NEK6: variants seen among roughly 807,000 people sequenced by gnomAD.
NEK6 encodes the protein serine/threonine-protein kinase Nek6.
A neutral mutation model predicts 43.5 loss-of-function variants in NEK6; 27 were observed. That is an observed-to-expected ratio of 0.62 (90% CI 0.46 to 0.86). The LOEUF (loss-of-function observed/expected upper bound fraction) is 0.86, where lower values mean the gene tolerates loss of function less well. Ranked by LOEUF, NEK6 falls within the 40% of genes least tolerant of loss-of-function variation. The pLI is 0.00. For synonymous variants in NEK6, 167 were observed against 164.1 expected (o/e 1.02, Z -0.14); for missense variants, 318 against 414.4 (o/e 0.77, Z 2.02).
At position 124,312,709 on chromosome 9, in the gene NEK6, C is replaced by T. The variant is rs1226667954; in HGVS notation, c.231+60C>T. The stretch of plus-strand genomic sequence containing the variant: ...TCGGGAGGTGGTCTCTGCATCTGGA[C>T]GGGGTGCCCGGGCCAGTCCCTTCTC... On this transcript the variant is annotated intron_variant, in intron 3 of 9. Transcript: ENST00000320246. 1.4e-5 allele frequency: 21 copies of T among 1,544,238 alleles called. No individual in the cohort carries two copies. The East Asian group carries it at 3.2e-4, about 24-fold the overall frequency.
At chr9:124,292,418 G>C in intron 1 of NEK6, 1 of 1,534,808 alleles carries the variant, frequency 6.5e-7, no homozygotes, top group South Asian at 1.2e-5. Flanking sequence ...CTCTAGGGTG[G>C]GTTTTGTCTG....
intron 7 of NEK6, among the ~76,000 whole-genome samples, chr9:124,330,572 C>A (rs1828927238): frequency 1.3e-5 from 2 of 152,246 alleles, no homozygotes; most frequent in African/African-American, 4.8e-5. Context: ...GAGAGCAAGT[C>A]TAGTTGGGGG....
chr9:124,331,280 A>AACT (rs1564653741), intron 7 of NEK6, among the ~76,000 whole-genome samples: 1 of 150,246 alleles, frequency 6.7e-6, no homozygotes, highest in African/African-American at 2.5e-5. Context: ...AAAACAAAAC[A>AACT]TTTTGCTCAT....
intron 1 of NEK6, among the ~76,000 whole-genome samples, chr9:124,279,909 T>TCCCCAA (rs1417645613): frequency 1.3e-5 from 2 of 152,190 alleles, no homozygotes; most frequent in Non-Finnish European, 2.9e-5. Flanking sequence ...CACTCCTGTG[T>TCCCCAA]CCCCAACCCC....
chr9:124,340,944 CA>C (rs1237313749), intron 8 of NEK6, among the ~76,000 whole-genome samples: 2 of 152,218 alleles, frequency 1.3e-5, no homozygotes, highest in Non-Finnish European at 2.9e-5. Context: ...GTCTTGTGGC[CA>C]GGGTCTTTTG....
chr9:124,264,835 AAAAAG>A (rs1831166825), intron 1 of NEK6, among the ~76,000 whole-genome samples: 1 of 149,248 alleles, frequency 6.7e-6, no homozygotes, highest in Non-Finnish European at 1.5e-5. Flanking sequence ...AAAAAAAAAA[AAAAAG>A]AGTTCTGCAA....
chr9:124,289,569 T>C (rs1473496669), intron 1 of NEK6, among the ~76,000 whole-genome samples: 2 of 152,130 alleles, frequency 1.3e-5, no homozygotes, highest in Non-Finnish European at 2.9e-5. Flanking sequence ...CTATGGCTAC[T>C]ATGCATGAGG....
rs571448276 is a variant in NEK6 at position 124,340,620 on chromosome 9, T to C, written c.717+955T>C. Among the ~76,000 whole-genome samples the C allele has an allele frequency of 1.2e-4, 19 of 152,300 alleles. No individual in the cohort carries two copies. The South Asian group carries it at 3.7e-3, about 30-fold the overall frequency. On this transcript the variant is annotated intron_variant, in intron 8 of 9. Transcript: ENST00000320246. ...CACCAAGCCCGGCTTGGTTTTACAG[T>C]TGGAACCCTGACTGTTTTTCTGCTT...
At chr9:124,261,553 C>T in intron 1 of NEK6, 1 of 985,450 alleles carries the variant, frequency 1.0e-6, no homozygotes, top group Non-Finnish European at 1.2e-6. Flanking sequence ...GACTCACAGT[C>T]CTAAATATCT....
intron 1 of NEK6, among the ~76,000 whole-genome samples, chr9:124,297,317 T>C (rs374695411): frequency 2.6e-5 from 4 of 152,342 alleles, no homozygotes; most frequent in African/African-American, 7.2e-5. Context: ...CAGAGGTCCC[T>C]TCCCATGTGC....
intron 1 of NEK6, among the ~76,000 whole-genome samples, chr9:124,291,155 G>C (rs969158389): frequency 6.6e-6 from 1 of 152,118 alleles, no homozygotes. Context: ...AGCACCCCGG[G>C]CAGTAGATAC....
chr9:124,283,064 C>T (rs1020159485), intron 1 of NEK6, among the ~76,000 whole-genome samples: 2 of 152,244 alleles, frequency 1.3e-5, no homozygotes, highest in African/African-American at 4.8e-5. Context: ...TGTGATCAGA[C>T]GTTTCCGCCC....
At chr9:124,264,860 C>T (rs377088611) in intron 1 of NEK6, among the ~76,000 whole-genome samples, 6 of 150,420 alleles carry the variant, frequency 4.0e-5, no homozygotes, top group Admixed American at 1.3e-4. Flanking sequence ...AAGAATGGCA[C>T]CTGGCATCAG....
At chr9:124,328,382 C>T (rs763459673) in intron 7 of NEK6, among the ~76,000 whole-genome samples, 7 of 152,152 alleles carry the variant, frequency 4.6e-5, no homozygotes, top group Non-Finnish European at 8.8e-5. Flanking sequence ...ATGGAGTGGG[C>T]GAGGGCCCCT....
intron 4 of NEK6, among the ~76,000 whole-genome samples, chr9:124,316,065 G>A (rs1476508855): frequency 6.6e-6 from 1 of 152,326 alleles, no homozygotes; most frequent in South Asian, 2.1e-4. Context: ...CCGCCTTCCC[G>A]AACACGGGTC....
At chr9:124,281,366 G>T (rs893798860) in intron 1 of NEK6, among the ~76,000 whole-genome samples, 7 of 152,114 alleles carry the variant, frequency 4.6e-5, no homozygotes, top group Non-Finnish European at 1.0e-4. Context: ...GAGTCCACTG[G>T]TTCCCAAATC....
In NEK6 at chr9:124,343,323, G is replaced by T. The variant is rs535000106; in HGVS notation, c.717+3658G>T. On this transcript the variant is annotated intron_variant, in intron 8 of 9. Transcript: ENST00000320246. This position sits in a 1 kb window ranked among gnomAD's most constrained non-coding sequence, Gnocchi z 5.1. ...ATCGCAGCGAGGGGTGGTGTGGGGG[G>T]ACAGATCACAGCCAGGGGTGGATAC... Among the ~76,000 whole-genome samples the T allele has an allele frequency of 7.2e-6, 1 of 139,492 alleles. No homozygotes were observed. Among genetic ancestry groups the T allele is most frequent in the South Asian group, 2.5e-4 (1 of 3,984 alleles). The allele number at this position is 139,492 out of a possible 152,430, so 91.5% of individuals were successfully genotyped here.
At chr9:124,271,829 G>A (rs933331413) in intron 1 of NEK6, among the ~76,000 whole-genome samples, 1 of 152,250 alleles carries the variant, frequency 6.6e-6, no homozygotes, top group Non-Finnish European at 1.5e-5. Flanking sequence ...TTCTTGGCAG[G>A]GAGCAGATCT....
intron 1 of NEK6, among the ~76,000 whole-genome samples, chr9:124,290,259 A>G (rs1054283988): frequency 3.9e-5 from 6 of 152,208 alleles, no homozygotes; most frequent in Admixed American, 3.3e-4. Flanking sequence ...GGTAACGCCC[A>G]CTAGCAGGGT....
Sources: allele counts gnomAD v4.1 joint callset (sites outside exome capture counted in the v4.1 genomes callset), GRCh38; gene constraint gnomAD v4.1.1; non-coding constraint Gnocchi (gnomAD v3.1); transcripts MANE v1.5; gene names NCBI Gene and HGNC (gene_info 2026-07-23, HGNC 2026-07-21).